RAPGEF2: variants seen among roughly 807,000 people sequenced by gnomAD.
The protein encoded by RAPGEF2 is Rap guanine nucleotide exchange factor 2.
RAPGEF2 carries 54 observed loss-of-function variants against 186.7 expected under a neutral mutation model. The ratio of observed to expected loss-of-function variants is 0.29; its 90% CI spans 0.23 to 0.36. The LOEUF is 0.36. Among genes scored for constraint, RAPGEF2 ranks in the 10% least tolerant of loss-of-function variants. The probability of loss-of-function intolerance (pLI) is 1.00; values close to 1 mark genes in which losing one functional copy is unlikely to be tolerated. For synonymous variants in RAPGEF2, 712 were observed against 705.9 expected (o/e 1.01, Z -0.14); for missense variants, 1,532 against 2,045.0 (o/e 0.75, Z 4.84).
In RAPGEF2 at chr4:159,355,853, C is replaced by T. The variant is rs984718695; in HGVS notation, c.4652C>T (p.Ala1551Val). 4.5e-6 allele frequency: 7 copies of T among 1,543,992 alleles called. No individual in the cohort carries two copies. In the Admixed American group the frequency reaches 7.9e-5, roughly 17 times the overall value. The change falls in exon 29 of 30, where the codon GCA becomes GTA. Residue 1551 changes from alanine to valine, a missense_variant and splice_region_variant. Transcript: ENST00000691494. ...TGCTGGTGCATTGTTTCTACTCTAG[C>T]ACGAAAGGAGGGCAGGTATCGAGAG... ...VASSTTKGLI[A>V]RKEGRYREPP...
Position 159,286,403 on chromosome 4 carries a change from A to C in RAPGEF2, c.544-17939A>C, listed in dbSNP as rs10023262. Among the ~76,000 whole-genome samples, 488 of 151,970 alleles carry C rather than the reference A, an allele frequency of 3.2e-3. 4 individuals carry two copies. Among genetic ancestry groups the C allele is most frequent in the African/African-American group, 0.011 (471 of 41,452 alleles). On this transcript the variant is annotated intron_variant, in intron 7 of 29. Transcript: ENST00000691494. ...CTAATAGTACTTGTACTATTCCTAGAGTTCCCCTTATTTCTCATCTGCCCT... is the reference window on the plus strand; with the variant it reads ...CTAATAGTACTTGTACTATTCCTAGCGTTCCCCTTATTTCTCATCTGCCCT...
chr4:159,107,181 C>A (rs1316149506), intron 1 of RAPGEF2, among the ~76,000 whole-genome samples: 2 of 152,086 alleles, frequency 1.3e-5, no homozygotes, highest in Non-Finnish European at 2.9e-5. Flanking sequence ...AATAATGAGC[C>A]CTGAAAACAT....
In RAPGEF2 at chr4:159,295,419, T is replaced by G. The variant is rs542775559; in HGVS notation, c.544-8923T>G. 5.3e-5 allele frequency among the ~76,000 whole-genome samples: 8 copies of G among 152,294 alleles called. No individual in the cohort carries two copies. In the South Asian group the frequency reaches 1.7e-3, roughly 32 times the overall value. On this transcript the variant is annotated intron_variant, in intron 7 of 29. Coordinates refer to ENST00000691494, the MANE Select transcript of RAPGEF2 (RefSeq NM_001394067.2). ...ATGCATTTGTGTGTGTGTGTGTATG[T>G]ATGTGTATTTGAAATGAGAATGGTC...
intron 7 of RAPGEF2, among the ~76,000 whole-genome samples, chr4:159,295,747 GTGTGTGT>G (rs1761902388): frequency 2.5e-5 from 3 of 119,654 alleles, no homozygotes; most frequent in African/African-American, 1.1e-4. Flanking sequence ...GTGTGTGTGT[GTGTGTGT>G]GCGCGCGCGC....
intron 1 of RAPGEF2, among the ~76,000 whole-genome samples, chr4:159,142,242 T>C (rs957208230): frequency 6.6e-6 from 1 of 152,208 alleles, no homozygotes; most frequent in African/African-American, 2.4e-5. Flanking sequence ...CCCTTTTTGT[T>C]GTCGTCAGAA....
intron 7 of RAPGEF2, among the ~76,000 whole-genome samples, chr4:159,274,242 T>C (rs1005736463): frequency 1.3e-5 from 2 of 152,228 alleles, no homozygotes; most frequent in South Asian, 4.1e-4. Context: ...TTACTTTAAA[T>C]CCTTAATGAA....
At chr4:159,178,619 G>A (rs1323778953) in intron 1 of RAPGEF2, among the ~76,000 whole-genome samples, 2 of 138,454 alleles carry the variant, frequency 1.4e-5, no homozygotes, top group Non-Finnish European at 3.0e-5. Flanking sequence ...GTGCTGCCGC[G>A]CGATTTTAGC....
chr4:159,250,604 T>C (rs998635440), intron 7 of RAPGEF2, among the ~76,000 whole-genome samples: 2 of 151,876 alleles, frequency 1.3e-5, no homozygotes, highest in Non-Finnish European at 2.9e-5. Flanking sequence ...TTGAGGGTAT[T>C]AGAAAATAAA....
chr4:159,141,736 T>A (rs1742362735), intron 1 of RAPGEF2, among the ~76,000 whole-genome samples: 2 of 152,316 alleles, frequency 1.3e-5, no homozygotes, highest in South Asian at 4.1e-4. Flanking sequence ...CTTTTGCCAA[T>A]CTGAGAAGTG....
At chr4:159,204,424 A>G (rs1464231594) in intron 3 of RAPGEF2, among the ~76,000 whole-genome samples, 1 of 152,188 alleles carries the variant, frequency 6.6e-6, no homozygotes, top group African/African-American at 2.4e-5. Flanking sequence ...GTTGAGGGGT[A>G]GTAGGAAGGA....
chr4:159,121,541 A>AT (rs899899497), intron 1 of RAPGEF2, among the ~76,000 whole-genome samples: 21 of 151,104 alleles, frequency 1.4e-4, no homozygotes, highest in Middle Eastern at 3.4e-3. Context: ...CTAATTTTTA[A>AT]TTTTTTTTGT....
intron 1 of RAPGEF2, among the ~76,000 whole-genome samples, chr4:159,185,066 A>C (rs1479834423): frequency 1.3e-5 from 2 of 152,176 alleles, no homozygotes; most frequent in Non-Finnish European, 2.9e-5. Context: ...TGGACAAAAA[A>C]GCACATGAAA....
chr4:159,117,955 T>TATATTATGTTTTTTTTTTC (rs1159861488), intron 1 of RAPGEF2, among the ~76,000 whole-genome samples: 1 of 152,198 alleles, frequency 6.6e-6, no homozygotes, highest in East Asian at 1.9e-4. Flanking sequence ...TTTGTTTTGC[T>TATATTATGTTTTTTTTTTC]ATATTATGTT....
Position 159,313,097 on chromosome 4 carries a change from G to C in RAPGEF2, c.676-1494G>C, listed in dbSNP as rs188978344. 2.8e-3 allele frequency among the ~76,000 whole-genome samples: 421 copies of C among 152,188 alleles called. 4 individuals carry two copies. Among genetic ancestry groups the C allele is most frequent in the Non-Finnish European group, 2.3e-3 (157 of 68,014 alleles). On this transcript the variant is annotated intron_variant, in intron 8 of 29. Coordinates refer to ENST00000691494, the MANE Select transcript of RAPGEF2 (RefSeq NM_001394067.2). ...TGGGAGGCAGAGGTTGCAGTGAGCC[G>C]AGATCGTGCCATTGCACTCCAGCCT...
Position 159,308,052 on chromosome 4 carries a change from G to C in RAPGEF2, c.675+3579G>C, listed in dbSNP as rs1210363217. Among the ~76,000 whole-genome samples, 5 of 152,178 alleles carry C rather than the reference G, an allele frequency of 3.3e-5. No homozygotes were observed. The East Asian group carries it at 9.6e-4, about 29-fold the overall frequency. ...TTCTAGTCATATGTGCTTTTACCTTGAATAGGCTAGATAAGTACATGAGGA... is the reference window on the plus strand; with the variant it reads ...TTCTAGTCATATGTGCTTTTACCTTCAATAGGCTAGATAAGTACATGAGGA... On this transcript the variant is annotated intron_variant, in intron 8 of 29. Coordinates refer to ENST00000691494, the MANE Select transcript of RAPGEF2 (RefSeq NM_001394067.2).
At chr4:159,171,153 G>A (rs28491960) in intron 1 of RAPGEF2, among the ~76,000 whole-genome samples, 73,192 of 152,048 alleles carry the variant, frequency 0.48, 19,317 homozygotes, top group African/African-American at 0.71. Context: ...CTAAAATGCT[G>A]TTTTGAGTAT....
At chr4:159,195,744 TG>T (rs1303706647) in intron 3 of RAPGEF2, among the ~76,000 whole-genome samples, 3 of 152,112 alleles carry the variant, frequency 2.0e-5, no homozygotes, top group Admixed American at 1.3e-4. Flanking sequence ...ACTCTCTCCC[TG>T]CCCCAACCTG....
intron 1 of RAPGEF2, among the ~76,000 whole-genome samples, chr4:159,107,085 A>G (rs1030238241): frequency 6.6e-6 from 1 of 152,174 alleles, no homozygotes; most frequent in Non-Finnish European, 1.5e-5. Flanking sequence ...ACTCTAATCC[A>G]ATGTGTGTCC....
intron 2 of RAPGEF2, among the ~76,000 whole-genome samples, chr4:159,186,978 A>G (rs1041074499): frequency 6.6e-6 from 1 of 152,152 alleles, no homozygotes; most frequent in African/African-American, 2.4e-5. Context: ...AATACACCAC[A>G]AATTGTTGTT....
Sources: allele counts gnomAD v4.1 joint callset (sites outside exome capture counted in the v4.1 genomes callset), GRCh38; gene constraint gnomAD v4.1.1; transcripts MANE v1.5; gene names NCBI Gene and HGNC (gene_info 2026-07-23, HGNC 2026-07-21).